Variants in TMEM178B observed in about 807,000 individuals in gnomAD.
TMEM178B encodes the protein transmembrane protein 178B.
Under a neutral mutation model 31.0 loss-of-function variants are expected in TMEM178B, and 5 were observed. That is an observed-to-expected ratio of 0.16 (90% CI 0.08 to 0.34). TMEM178B has a LOEUF of 0.34. TMEM178B is among the 10% of genes least tolerant of loss of function. The probability of loss-of-function intolerance (pLI) is 1.00; values close to 1 mark genes in which losing one functional copy is unlikely to be tolerated. For synonymous variants in TMEM178B, 164 were observed against 164.0 expected, an observed-to-expected ratio of 1.00 and a Z score of 0.00; for missense variants, 275 against 400.3, an observed-to-expected ratio of 0.69 and a Z score of 2.67.
intron 1 of TMEM178B, among the ~76,000 whole-genome samples, chr7:141,151,328 G>T (rs1795969331): frequency 6.6e-6 from 1 of 152,214 alleles, no homozygotes; most frequent in Admixed American, 6.5e-5. Flanking sequence ...ACAACCCTGT[G>T]TGGTGGGGAT....
At chr7:141,496,664 C>T in the TMEM178B span, among the ~76,000 whole-genome samples, 2 of 102,466 alleles carry the variant, frequency 2.0e-5, no homozygotes, top group Non-Finnish European at 3.4e-5. Context: ...AGCGAGACTC[C>T]GTCTCAAAAA....
chr7:141,190,382 C>T (rs1357564507), intron 1 of TMEM178B, among the ~76,000 whole-genome samples: 1 of 151,956 alleles, frequency 6.6e-6, no homozygotes, highest in East Asian at 1.9e-4. Flanking sequence ...GGTGTGATCA[C>T]AGCTCACTGT....
intron 1 of TMEM178B, among the ~76,000 whole-genome samples, chr7:141,153,399 A>G (rs1796011937): frequency 6.6e-6 from 1 of 152,168 alleles, no homozygotes; most frequent in African/African-American, 2.4e-5. Context: ...TTTGCTTATA[A>G]ATTTTGTTGT....
intron 1 of TMEM178B, among the ~76,000 whole-genome samples, chr7:141,092,677 G>A (rs1042796827): frequency 3.9e-5 from 6 of 152,142 alleles, no homozygotes; most frequent in African/African-American, 1.2e-4. Flanking sequence ...ATTCCACTGA[G>A]AAAATGGACA....
Position 141,461,113 on chromosome 7 carries a change from G to C in TMEM178B, c.635-9423G>C, listed in dbSNP as rs1802051888. ...CCAGGACGGATGTGCCACTGTTGAAGGAGGAGGCCCTCTCCTTCTGTTTGC... is the reference window on the plus strand; with the variant it reads ...CCAGGACGGATGTGCCACTGTTGAACGAGGAGGCCCTCTCCTTCTGTTTGC... On this transcript the variant is annotated intron_variant, in intron 3 of 3. Transcript: ENST00000565468. This position sits in a 1 kb window ranked among gnomAD's most constrained non-coding sequence, Gnocchi z 4.0. Among the ~76,000 whole-genome samples the C allele has an allele frequency of 6.6e-6, 1 of 152,222 alleles. No individual in the cohort carries two copies. Among genetic ancestry groups the C allele is most frequent in the South Asian group, 2.1e-4 (1 of 4,824 alleles).
At chr7:141,432,600 G>A (rs992652533) in intron 2 of TMEM178B, among the ~76,000 whole-genome samples, 2 of 152,036 alleles carry the variant, frequency 1.3e-5, no homozygotes, top group African/African-American at 4.8e-5. Context: ...TTTTATTTCA[G>A]GTATTCTTTT....
chr7:141,153,214 T>G (rs1457879203), intron 1 of TMEM178B, among the ~76,000 whole-genome samples: 1 of 152,226 alleles, frequency 6.6e-6, no homozygotes, highest in African/African-American at 2.4e-5. Flanking sequence ...AACAAATGGA[T>G]TTGTGAAAGT....
chr7:141,332,904 C>A (rs952326189), intron 2 of TMEM178B, among the ~76,000 whole-genome samples: 1 of 152,188 alleles, frequency 6.6e-6, no homozygotes, highest in Non-Finnish European at 1.5e-5. Context: ...TGTTCATTTC[C>A]TGCTTGCTGG....
At chr7:141,314,223 A>T (rs1346227472) in intron 2 of TMEM178B, among the ~76,000 whole-genome samples, 1 of 152,216 alleles carries the variant, frequency 6.6e-6, no homozygotes, top group Non-Finnish European at 1.5e-5. Context: ...GGGAAGAAAG[A>T]GCAGCCATAT....
chr7:141,199,049 G>A (rs1482645435), intron 1 of TMEM178B, among the ~76,000 whole-genome samples: 2 of 152,200 alleles, frequency 1.3e-5, no homozygotes, highest in South Asian at 2.1e-4. Context: ...TGGGGAAAAA[G>A]CAGCCAAAAA....
At chr7:141,176,471 A>G (rs1410712019) in intron 1 of TMEM178B, among the ~76,000 whole-genome samples, 1 of 152,202 alleles carries the variant, frequency 6.6e-6, no homozygotes, top group Non-Finnish European at 1.5e-5. Flanking sequence ...TGCTGGCCTC[A>G]TAAAATTAGT....
chr7:141,503,791 T>A, the TMEM178B span, among the ~76,000 whole-genome samples: 1 of 152,246 alleles, frequency 6.6e-6, no homozygotes, highest in Admixed American at 6.5e-5. Context: ...GGGCAATGTA[T>A]GTATGTGTTG....
intron 2 of TMEM178B, among the ~76,000 whole-genome samples, chr7:141,219,529 C>G (rs538028389): frequency 6.6e-6 from 1 of 152,288 alleles, no homozygotes; most frequent in East Asian, 1.9e-4. Context: ...ACTAGAAAAA[C>G]TTGGTAGCAA....
At chr7:141,457,325 T>C (rs1252262429) in intron 3 of TMEM178B, among the ~76,000 whole-genome samples, 14 of 152,226 alleles carry the variant, frequency 9.2e-5, no homozygotes, top group Non-Finnish European at 1.6e-4. Context: ...ACATAATTTA[T>C]TTGCTGTATA....
At chr7:141,298,981 G>T (rs929956345) in intron 2 of TMEM178B, among the ~76,000 whole-genome samples, 5 of 152,134 alleles carry the variant, frequency 3.3e-5, no homozygotes, top group Non-Finnish European at 7.3e-5. Flanking sequence ...GTAGGAACAT[G>T]TGGGATTTTG....
intron 1 of TMEM178B, among the ~76,000 whole-genome samples, chr7:141,102,946 G>A (rs1337791363): frequency 1.3e-5 from 2 of 152,132 alleles, no homozygotes; most frequent in Non-Finnish European, 2.9e-5. Context: ...TGGCTAAGGC[G>A]GGTGGAGCCA....
chr7:141,378,582 G>A (rs1226171108), intron 2 of TMEM178B, among the ~76,000 whole-genome samples: 2 of 152,182 alleles, frequency 1.3e-5, no homozygotes, highest in Admixed American at 6.5e-5. Context: ...TGAGGGAGAG[G>A]CTCCTAAGCG....
At chr7:141,251,101 GCTCTGCTGGGC>G (rs1797825979) in intron 2 of TMEM178B, among the ~76,000 whole-genome samples, 1 of 152,032 alleles carries the variant, frequency 6.6e-6, no homozygotes, top group African/African-American at 2.4e-5. Flanking sequence ...GGGCCATGTG[GCTCTGCTGGGC>G]CCTGAGGATA....
At chr7:141,382,682 C>T (rs948659527) in intron 2 of TMEM178B, among the ~76,000 whole-genome samples, 5 of 152,028 alleles carry the variant, frequency 3.3e-5, no homozygotes, top group Non-Finnish European at 4.4e-5. Context: ...ACAAGAAAGG[C>T]AATTTTAAAA....
Sources: allele counts gnomAD v4.1 joint callset (sites outside exome capture counted in the v4.1 genomes callset), GRCh38; gene constraint gnomAD v4.1.1; non-coding constraint Gnocchi (gnomAD v3.1); transcripts MANE v1.5; gene names NCBI Gene and HGNC (gene_info 2026-07-23, HGNC 2026-07-21).